Variants in CACNA2D3 observed in about 807,000 individuals in gnomAD.
CACNA2D3 encodes calcium voltage-gated channel auxiliary subunit alpha2delta 3, also known as voltage-dependent calcium channel subunit alpha-2/delta-3.
A neutral mutation model predicts 160.6 loss-of-function variants in CACNA2D3; 60 were observed. That is an observed-to-expected ratio of 0.37 (90% CI 0.30 to 0.46). The LOEUF (loss-of-function observed/expected upper bound fraction) is 0.46. CACNA2D3 is among the 20% of genes least tolerant of loss of function. The pLI, the probability that CACNA2D3 is intolerant of heterozygous loss-of-function variation, is 1.00. For missense variants in CACNA2D3, 1,205 were observed against 1,365.0 expected, an observed-to-expected ratio of 0.88 and a Z score of 1.85; for synonymous variants, 558 against 492.9, an observed-to-expected ratio of 1.13 and a Z score of -1.75.
intron 11 of CACNA2D3, among the ~76,000 whole-genome samples, chr3:54,700,100 T>G (rs771277708): frequency 9.9e-4 from 151 of 152,340 alleles, no homozygotes; most frequent in Non-Finnish European, 1.0e-3. Context: ...AGCCCCTGGC[T>G]AAGAAGAAGC....
rs145942961 is a variant in CACNA2D3, at chr3:54,341,301, A to G, written c.321+20743A>G. 2.2e-3 allele frequency among the ~76,000 whole-genome samples: 334 copies of G among 152,330 alleles called. 2 individuals carry two copies. The highest frequency in any genetic ancestry group is 7.6e-3 in the African/African-American group (314 of 41,564). ...AACCCTTAGACTCTACCAGTGGCTG[A>G]TCAGTCATCCTGATAGTAGAGCCTC... On this transcript the variant is annotated intron_variant, in intron 3 of 37. Coordinates refer to ENST00000474759, the MANE Select transcript of CACNA2D3 (RefSeq NM_018398.3).
chr3:54,622,581 TGG>T (rs1491204300), intron 9 of CACNA2D3, among the ~76,000 whole-genome samples: 6 of 134,908 alleles, frequency 4.4e-5, no homozygotes, highest in Admixed American at 2.2e-4. Context: ...GGCCAGTTTT[TGG>T]TTTTTTTTTT....
chr3:54,842,093 A>G (rs1428723705), intron 16 of CACNA2D3, among the ~76,000 whole-genome samples: 1 of 152,242 alleles, frequency 6.6e-6, no homozygotes, highest in Non-Finnish European at 1.5e-5. Context: ...TAAGCTTTTA[A>G]TTATTTGAGA....
At chr3:54,860,211 G>T (rs540695641) in intron 17 of CACNA2D3, among the ~76,000 whole-genome samples, 65 of 152,226 alleles carry the variant, frequency 4.3e-4, no homozygotes, top group African/African-American at 1.3e-3. Context: ...CAGACCAAGG[G>T]TTTATCTGGA....
rs540177997 is a variant in CACNA2D3, at chr3:54,272,387, G to A, written c.205-48055G>A. Among the ~76,000 whole-genome samples the A allele has an allele frequency of 2.0e-5, 3 of 152,260 alleles. No homozygotes were observed. The East Asian group carries it at 5.8e-4, about 30-fold the overall frequency. ...CTTCTGGGCTTGGGGAAGCTGTGGGGCCATCTATGGCTCCTTAGGCCACCT... is the reference window on the plus strand; with the variant it reads ...CTTCTGGGCTTGGGGAAGCTGTGGGACCATCTATGGCTCCTTAGGCCACCT... On this transcript the variant is annotated intron_variant, in intron 2 of 37. Coordinates refer to ENST00000474759, the MANE Select transcript of CACNA2D3 (RefSeq NM_018398.3).
At chr3:54,535,995 A>G (rs1701883497) in intron 5 of CACNA2D3, among the ~76,000 whole-genome samples, 2 of 152,270 alleles carry the variant, frequency 1.3e-5, no homozygotes, top group African/African-American at 2.4e-5. Context: ...GTTTCAACTT[A>G]CAGAGGATCT....
intron 13 of CACNA2D3, among the ~76,000 whole-genome samples, chr3:54,810,529 G>C (rs972143161): frequency 4.6e-5 from 7 of 152,176 alleles, no homozygotes; most frequent in Non-Finnish European, 8.8e-5. Flanking sequence ...TGAACACACA[G>C]AACCTCAGCA....
chr3:54,163,085 C>T (rs765250193), intron 2 of CACNA2D3, among the ~76,000 whole-genome samples: 1 of 152,188 alleles, frequency 6.6e-6, no homozygotes, highest in African/African-American at 2.4e-5. Flanking sequence ...GGCTGGAACA[C>T]AGCCAGTGAG....
Position 54,562,782 on chromosome 3 carries a change from T to C in CACNA2D3, c.545-18T>C, listed in dbSNP as rs745583449. 4 of 1,607,734 alleles carry C rather than the reference T, an allele frequency of 2.5e-6. No homozygotes were observed. In the South Asian group the frequency reaches 3.3e-5, roughly 13 times the overall value. On this transcript the variant is annotated intron_variant, in intron 5 of 37. Coordinates refer to ENST00000474759, the MANE Select transcript of CACNA2D3 (RefSeq NM_018398.3). Reference sequence around the variant, plus strand: ...TTGGTTTCTAATACACCCCTCTCTCTCTCTTTCTTTTTTACAGACCCTGCA... The same window carrying C: ...TTGGTTTCTAATACACCCCTCTCTCCCTCTTTCTTTTTTACAGACCCTGCA...
intron 2 of CACNA2D3, among the ~76,000 whole-genome samples, chr3:54,164,207 G>A (rs1304444606): frequency 6.6e-6 from 1 of 152,128 alleles, no homozygotes; most frequent in Non-Finnish European, 1.5e-5. Context: ...CAGAGGGTAG[G>A]CCCGGCTGTC....
intron 3 of CACNA2D3, among the ~76,000 whole-genome samples, chr3:54,349,762 T>C (rs577708296): frequency 1.3e-5 from 2 of 152,184 alleles, no homozygotes; most frequent in Non-Finnish European, 2.9e-5. Flanking sequence ...GGGGATGTAG[T>C]GCGCATCTGT....
chr3:54,918,961 G>C, intron 27 of CACNA2D3: 1 of 1,309,016 alleles, frequency 7.6e-7, no homozygotes, highest in Non-Finnish European at 1.0e-6. Flanking sequence ...TCCTCTGCCT[G>C]CAAAAACTTA....
chr3:54,411,340 G>C (rs1699664864), intron 4 of CACNA2D3, among the ~76,000 whole-genome samples: 1 of 152,208 alleles, frequency 6.6e-6, no homozygotes, highest in Non-Finnish European at 1.5e-5. Flanking sequence ...ATGCTACTGA[G>C]AAATCTTTTG....
chr3:54,148,924 C>A (rs1430535836), intron 2 of CACNA2D3, among the ~76,000 whole-genome samples: 1 of 145,268 alleles, frequency 6.9e-6, no homozygotes, highest in Non-Finnish European at 1.5e-5. Context: ...TTGCAGTGAG[C>A]TAAGATCGTG....
At chr3:54,935,351 CAT>C (rs1320131185) in intron 27 of CACNA2D3, among the ~76,000 whole-genome samples, 2 of 152,026 alleles carry the variant, frequency 1.3e-5, no homozygotes, top group Admixed American at 1.3e-4. Flanking sequence ...GCACTCAGGA[CAT>C]GTGTAAAGAT....
chr3:54,461,211 C>T (rs1255878504), intron 4 of CACNA2D3, among the ~76,000 whole-genome samples: 2 of 152,054 alleles, frequency 1.3e-5, no homozygotes, highest in African/African-American at 4.8e-5. Flanking sequence ...CATCAATGTT[C>T]ATCAAGGATA....
intron 10 of CACNA2D3, among the ~76,000 whole-genome samples, chr3:54,636,494 AT>A (rs1200442624): frequency 6.6e-6 from 1 of 151,996 alleles, no homozygotes; most frequent in Non-Finnish European, 1.5e-5. Flanking sequence ...TTTGGAAGTT[AT>A]GAGAAATGTA....
At chr3:54,656,310 C>T (rs1655328600) in intron 11 of CACNA2D3, among the ~76,000 whole-genome samples, 1 of 152,242 alleles carries the variant, frequency 6.6e-6, no homozygotes, top group African/African-American at 2.4e-5. Flanking sequence ...AAAACTCTCC[C>T]AGTAAGTGGT....
chr3:54,624,920 G>T (rs1164103077), intron 9 of CACNA2D3, among the ~76,000 whole-genome samples: 1 of 152,244 alleles, frequency 6.6e-6, no homozygotes, highest in Non-Finnish European at 1.5e-5. Context: ...GGGGGTGGTT[G>T]TTGGTGAAGG....
Sources: gnomAD v4.1 joint callset for allele counts (sites outside exome capture counted in the v4.1 genomes callset) on GRCh38, gnomAD v4.1.1 for gene constraint, MANE v1.5 for transcripts, NCBI Gene and HGNC (gene_info 2026-07-23, HGNC 2026-07-21) for gene names.